The following SH3BGRL2 variants were observed in gnomAD, a reference collection of about 807,000 sequenced individuals.
SH3BGRL2 encodes SH3 domain binding glutamate rich protein like 2.
A neutral mutation model predicts 14.8 loss-of-function variants in SH3BGRL2; 21 were observed. The ratio of observed to expected loss-of-function variants is 1.42; its 90% CI spans 1.01 to 2.05. SH3BGRL2 has a LOEUF of 2.05. SH3BGRL2 is among the 30% of genes most tolerant of loss of function. The pLI, the probability that SH3BGRL2 is intolerant of heterozygous loss-of-function variation, is 0.00. For synonymous variants in SH3BGRL2, 50 were observed against 47.8 expected (o/e 1.05, Z -0.19); for missense variants, 147 against 130.8 (o/e 1.12, Z -0.61).
intron 1 of SH3BGRL2, among the ~76,000 whole-genome samples, chr6:79,649,403 G>C (rs1380747489): frequency 6.6e-6 from 1 of 152,144 alleles, no homozygotes; most frequent in Non-Finnish European, 1.5e-5. Flanking sequence ...CTAAATAGAA[G>C]TAGTTTAAAA....
intron 1 of SH3BGRL2, among the ~76,000 whole-genome samples, chr6:79,639,256 T>C (rs1350807024): frequency 1.3e-5 from 2 of 152,208 alleles, no homozygotes; most frequent in Non-Finnish European, 2.9e-5. Flanking sequence ...AAGTAGAAAT[T>C]AGCATGACTT....
At chr6:79,547,155 A>G in the SH3BGRL2 span, among the ~76,000 whole-genome samples, 5 of 152,154 alleles carry the variant, frequency 3.3e-5, no homozygotes, top group Non-Finnish European at 5.9e-5. Context: ...TTAAAGACAT[A>G]GTATGCCTGA....
Position 79,631,356 on chromosome 6 carries a change from G to T in SH3BGRL2, c.-106G>T. ...ATCCCAGCGATCTTCCCCGACGGCA[G>T]CGCTTTACCCAGAGGCTGCCGGCGG... On this transcript the variant is annotated 5_prime_UTR_variant, in exon 1 of 4. Coordinates refer to ENST00000369838, the MANE Select transcript of SH3BGRL2 (RefSeq NM_031469.4). The T allele has an allele frequency of 9.4e-7, 1 of 1,060,832 alleles. No individual in the cohort carries two copies. 65.7% of individuals were successfully genotyped at this position (1,060,832 alleles called of 1,614,324 possible). A position where few individuals can be genotyped will look rare whatever the true frequency, so the allele number is the denominator to read the frequency against.
the SH3BGRL2 span, among the ~76,000 whole-genome samples, chr6:79,582,640 A>G: frequency 6.6e-6 from 1 of 152,194 alleles, no homozygotes; most frequent in Admixed American, 6.5e-5. Flanking sequence ...TTAATTCAAG[A>G]TGGATTAAGG....
At chr6:79,569,260 G>A in the SH3BGRL2 span, among the ~76,000 whole-genome samples, 1 of 152,158 alleles carries the variant, frequency 6.6e-6, no homozygotes, top group Non-Finnish European at 1.5e-5. Flanking sequence ...TGAATAGAAG[G>A]GAGTGTCTGG....
chr6:79,669,269 G>A (rs1325819304), intron 1 of SH3BGRL2, among the ~76,000 whole-genome samples: 4 of 151,258 alleles, frequency 2.6e-5, no homozygotes, highest in African/African-American at 9.8e-5. Context: ...GGTTGTTAGA[G>A]AGGGCTCTTT....
At chr6:79,691,244 G>A (rs1770207697) in intron 2 of SH3BGRL2, among the ~76,000 whole-genome samples, 1 of 152,142 alleles carries the variant, frequency 6.6e-6, no homozygotes. Flanking sequence ...AAGGATTTTA[G>A]TCTCTATCTT....
intron 1 of SH3BGRL2, among the ~76,000 whole-genome samples, chr6:79,669,509 C>CAATG: frequency 7.1e-6 from 1 of 141,384 alleles, no homozygotes; most frequent in Admixed American, 7.7e-5. Flanking sequence ...GGCCGGAGTG[C>CAATG]AATGGCCTGA....
the SH3BGRL2 span, among the ~76,000 whole-genome samples, chr6:79,579,463 C>T: frequency 6.6e-6 from 1 of 152,112 alleles, no homozygotes; most frequent in African/African-American, 2.4e-5. Context: ...AGCAGAAACC[C>T]CACAACCCAG....
the SH3BGRL2 span, among the ~76,000 whole-genome samples, chr6:79,616,638 T>C: frequency 6.6e-6 from 1 of 152,158 alleles, no homozygotes; most frequent in Admixed American, 6.5e-5. Context: ...ACTTCAGAGC[T>C]CATTCTCTTA....
chr6:79,671,526 C>T (rs559038992), intron 1 of SH3BGRL2, among the ~76,000 whole-genome samples: 36 of 152,278 alleles, frequency 2.4e-4, no homozygotes, highest in African/African-American at 8.4e-4. Flanking sequence ...CTTCCATTTG[C>T]TTAGGAAATT....
intron 2 of SH3BGRL2, among the ~76,000 whole-genome samples, chr6:79,677,303 T>G (rs138899534): frequency 1.3e-5 from 2 of 152,270 alleles, no homozygotes; most frequent in African/African-American, 4.8e-5. Context: ...GTAACCTGGG[T>G]GAGCTAGGCA....
At chr6:79,607,215 C>T in the SH3BGRL2 span, among the ~76,000 whole-genome samples, 1 of 152,326 alleles carries the variant, frequency 6.6e-6, no homozygotes, top group East Asian at 1.9e-4. Context: ...CTTCCTATCT[C>T]CCACTGATTC....
chr6:79,547,039 C>A, the SH3BGRL2 span, among the ~76,000 whole-genome samples: 4 of 152,190 alleles, frequency 2.6e-5, no homozygotes, highest in East Asian at 7.8e-4. Flanking sequence ...TGAGACAGTT[C>A]TTGGGAGAGT....
intron 1 of SH3BGRL2, among the ~76,000 whole-genome samples, chr6:79,665,820 C>T (rs1769645724): frequency 6.6e-6 from 1 of 152,134 alleles, no homozygotes; most frequent in African/African-American, 2.4e-5. Context: ...TATAATCTGT[C>T]TTTCTGACAG....
the SH3BGRL2 span, among the ~76,000 whole-genome samples, chr6:79,603,353 A>G: frequency 6.9e-3 from 1,050 of 152,248 alleles, 13 homozygotes; most frequent in African/African-American, 0.024. Flanking sequence ...TCAAGAGGCT[A>G]TTGTTTTTAT....
the SH3BGRL2 span, among the ~76,000 whole-genome samples, chr6:79,551,379 A>T: frequency 6.6e-6 from 1 of 152,200 alleles, no homozygotes; most frequent in East Asian, 1.9e-4. Flanking sequence ...TTTGGTCAAG[A>T]CTTCACTTCT....
chr6:79,574,670 A>G, the SH3BGRL2 span: 1 of 152,364 alleles, frequency 6.6e-6, no homozygotes, highest in African/African-American at 2.4e-5. Context: ...TACACTTAAA[A>G]ATGACTAAAA....
At chr6:79,694,838 GC>G (rs1770298914) in intron 2 of SH3BGRL2, among the ~76,000 whole-genome samples, 1 of 152,102 alleles carries the variant, frequency 6.6e-6, no homozygotes, top group Admixed American at 6.5e-5. Flanking sequence ...CAGCTCGGCT[GC>G]CACCATTGCT....
Sources: gnomAD v4.1 joint callset for allele counts (sites outside exome capture counted in the v4.1 genomes callset) on GRCh38, gnomAD v4.1.1 for gene constraint, MANE v1.5 for transcripts, NCBI Gene and HGNC (gene_info 2026-07-23, HGNC 2026-07-21) for gene names.